Variants in CFAP20DC observed in about 807,000 individuals in gnomAD.
CFAP20DC encodes the protein CFAP20 domain containing.
Under a neutral mutation model 101.7 loss-of-function variants are expected in CFAP20DC, and 84 were observed. The ratio of observed to expected loss-of-function variants is 0.83; its 90% CI spans 0.69 to 0.99. The LOEUF is 0.99. Ranked by LOEUF, CFAP20DC falls within the 50% of genes least tolerant of loss-of-function variation. CFAP20DC has a pLI of 0.00. For missense variants in CFAP20DC, 1,007 were observed against 970.3 expected, an observed-to-expected ratio of 1.04 and a Z score of -0.50; for synonymous variants, 359 against 351.2, an observed-to-expected ratio of 1.02 and a Z score of -0.25.
intron 4 of CFAP20DC, among the ~76,000 whole-genome samples, chr3:59,037,740 C>T (rs2094129704): frequency 6.6e-6 from 1 of 152,080 alleles, no homozygotes; most frequent in African/African-American, 2.4e-5. Context: ...AATCTAGAAC[C>T]AGAAATACCA....
intron 4 of CFAP20DC, among the ~76,000 whole-genome samples, chr3:59,031,504 C>G (rs1005350333): frequency 6.6e-6 from 1 of 152,144 alleles, no homozygotes; most frequent in Non-Finnish European, 1.5e-5. Flanking sequence ...CTTGAAAATG[C>G]TTTTTCTGCA....
intron 3 of CFAP20DC, among the ~76,000 whole-genome samples, chr3:58,718,762 A>G (rs1486587516): frequency 6.6e-6 from 1 of 152,172 alleles, no homozygotes; most frequent in Non-Finnish European, 1.5e-5. Context: ...GGCATTGTGG[A>G]AATATCCTGG....
At position 58,721,280 on chromosome 3, in the gene CFAP20DC, T is replaced by C. The variant is rs758726982; in HGVS notation, c.198-3652A>G. 2.0e-5 allele frequency among the ~76,000 whole-genome samples: 3 copies of C among 152,160 alleles called. No individual in the cohort carries two copies. Among genetic ancestry groups the C allele is most frequent in the Non-Finnish European group, 4.4e-5 (3 of 68,024 alleles). ...TTAAACACCTTATCTGGGCCAGGGATTGTGTACTTCTGGGTGCATGTGTTG... is the reference window on the plus strand; with the variant it reads ...TTAAACACCTTATCTGGGCCAGGGACTGTGTACTTCTGGGTGCATGTGTTG... On this transcript the variant is annotated intron_variant, in intron 3 of 3. Transcript: ENST00000486145. The surrounding 1 kb of genome is among the most constrained non-coding windows in gnomAD (Gnocchi z 5.2).
intron 13 of CFAP20DC, among the ~76,000 whole-genome samples, chr3:58,839,377 C>T (rs1472407759): frequency 6.6e-6 from 1 of 152,072 alleles, no homozygotes; most frequent in Non-Finnish European, 1.5e-5. Flanking sequence ...AATAATAAGG[C>T]CTCTTGTGAG....
At chr3:58,797,340 GGAGAAAGTTT>G (rs1182470310) in intron 15 of CFAP20DC, among the ~76,000 whole-genome samples, 1 of 152,156 alleles carries the variant, frequency 6.6e-6, no homozygotes, top group Non-Finnish European at 1.5e-5. Context: ...TTGGTGATAT[GGAGAAAGTTT>G]GAGTGGTCTG....
chr3:58,843,112 T>C (rs895875562), intron 13 of CFAP20DC, among the ~76,000 whole-genome samples: 2 of 152,154 alleles, frequency 1.3e-5, no homozygotes, highest in African/African-American at 4.8e-5. Flanking sequence ...GCGCCTCTCT[T>C]CCTCCAAAGG....
intron 14 of CFAP20DC, among the ~76,000 whole-genome samples, chr3:58,826,085 T>A (rs962049070): frequency 1.3e-5 from 2 of 152,160 alleles, no homozygotes; most frequent in African/African-American, 4.8e-5. Flanking sequence ...AGTCGTCAGG[T>A]AAAAATGCTA....
At chr3:58,847,694 G>A (rs2077803068) in intron 13 of CFAP20DC, among the ~76,000 whole-genome samples, 1 of 146,068 alleles carries the variant, frequency 6.8e-6, no homozygotes, top group Admixed American at 6.8e-5. Flanking sequence ...TATAAATCAT[G>A]CTGCTATAAA....
Position 58,960,490 on chromosome 3 carries a change from T to C in CFAP20DC, c.279-22728A>G, listed in dbSNP as rs1472388649. 1.6e-4 allele frequency among the ~76,000 whole-genome samples: 23 copies of C among 144,210 alleles called. No homozygotes were observed. The South Asian group carries it at 4.3e-3, about 27-fold the overall frequency. 94.6% of individuals were successfully genotyped at this position (144,210 alleles called of 152,430 possible). Reference sequence around the variant, plus strand: ...CTGGGTGACACAGCAAGACTCTGTCTCAAAAAAAAAAAAAAAAATTCCTAT... The same window carrying C: ...CTGGGTGACACAGCAAGACTCTGTCCCAAAAAAAAAAAAAAAAATTCCTAT... On this transcript the variant is annotated intron_variant, in intron 4 of 16. Transcript: ENST00000482387.
At chr3:58,759,817 C>T (rs569326044) in intron 15 of CFAP20DC, among the ~76,000 whole-genome samples, 38 of 152,120 alleles carry the variant, frequency 2.5e-4, no homozygotes, top group African/African-American at 8.2e-4. Flanking sequence ...CTTGTTTTTC[C>T]CAGGTTTATC....
At chr3:58,750,538 G>A (rs2068495996) in intron 16 of CFAP20DC, among the ~76,000 whole-genome samples, 1 of 152,200 alleles carries the variant, frequency 6.6e-6, no homozygotes, top group African/African-American at 2.4e-5. Flanking sequence ...ACCTTTCCCT[G>A]TGAATGAGCC....
chr3:58,903,628 T>C (rs1455559233), intron 6 of CFAP20DC, among the ~76,000 whole-genome samples: 1 of 152,142 alleles, frequency 6.6e-6, no homozygotes, highest in Non-Finnish European at 1.5e-5. Flanking sequence ...GAGAGAGAAG[T>C]GCTGAGCAAA....
At chr3:58,911,482 C>T (rs532891719) in intron 6 of CFAP20DC, among the ~76,000 whole-genome samples, 1 of 152,042 alleles carries the variant, frequency 6.6e-6, no homozygotes, top group African/African-American at 2.4e-5. Flanking sequence ...CATAAGCAGG[C>T]TTGTAGGATG....
intron 4 of CFAP20DC, among the ~76,000 whole-genome samples, chr3:58,961,026 T>C (rs775020790): frequency 1.3e-5 from 2 of 152,236 alleles, no homozygotes; most frequent in Non-Finnish European, 2.9e-5. Flanking sequence ...TTCATTCTAC[T>C]AACAGGGCAT....
intron 4 of CFAP20DC, among the ~76,000 whole-genome samples, chr3:59,010,169 C>T (rs2093548753): frequency 6.6e-6 from 1 of 151,972 alleles, no homozygotes. Flanking sequence ...GGTCTTTAGG[C>T]AACAGCTAAC....
intron 13 of CFAP20DC, among the ~76,000 whole-genome samples, chr3:58,837,076 C>A (rs530872032): frequency 2.0e-5 from 3 of 152,238 alleles, no homozygotes; most frequent in East Asian, 1.9e-4. Flanking sequence ...ATTAAATAGA[C>A]TATCAAGTAA....
intron 15 of CFAP20DC, among the ~76,000 whole-genome samples, chr3:58,775,013 C>T (rs546846748): frequency 6.6e-6 from 1 of 152,260 alleles, no homozygotes; most frequent in Admixed American, 6.5e-5. Context: ...TGAGACAGGT[C>T]TCAGTTAACT....
At chr3:58,906,709 T>C (rs1050084230) in intron 6 of CFAP20DC, among the ~76,000 whole-genome samples, 2 of 152,084 alleles carry the variant, frequency 1.3e-5, no homozygotes, top group African/African-American at 4.8e-5. Context: ...GTGGGATCAC[T>C]TGAGTCTAGG....
chr3:58,935,114 T>C (rs889662130), intron 5 of CFAP20DC, among the ~76,000 whole-genome samples: 2 of 152,322 alleles, frequency 1.3e-5, no homozygotes, highest in East Asian at 1.9e-4. Flanking sequence ...TCACAAGCAT[T>C]CTTATATACC....
Sources: gnomAD v4.1 joint callset for allele counts (sites outside exome capture counted in the v4.1 genomes callset) on GRCh38, gnomAD v4.1.1 for gene constraint, Gnocchi (gnomAD v3.1) non-coding constraint, MANE v1.5 for transcripts, NCBI Gene and HGNC (gene_info 2026-07-23, HGNC 2026-07-21) for gene names.